Variants in STK32C observed in about 807,000 individuals in gnomAD.
STK32C encodes serine/threonine kinase 32C, also known as serine/threonine-protein kinase 32C.
STK32C carries 31 observed loss-of-function variants against 56.5 expected under a neutral mutation model. That is an observed-to-expected ratio of 0.55 (90% CI 0.41 to 0.74). The LOEUF is 0.74. Ranked by LOEUF, STK32C falls within the 30% of genes least tolerant of loss-of-function variation. STK32C has a pLI of 0.00. For synonymous variants in STK32C, 309 were observed against 289.4 expected (o/e 1.07, Z -0.69); for missense variants, 544 against 676.9 (o/e 0.80, Z 2.18).
exon 2 of STK32C, chr10:132,324,157 G>A: frequency 2.7e-6 from 2 of 730,824 alleles, no homozygotes; most frequent in Non-Finnish European, 5.1e-6. Flanking sequence ...CCAAGAGCTG[G>A]GGATGAGTCT....
chr10:132,240,960 GAC>G (rs1468510530), intron 2 of STK32C, among the ~76,000 whole-genome samples: 3 of 152,208 alleles, frequency 2.0e-5, no homozygotes, highest in Non-Finnish European at 2.9e-5. Context: ...GTGCCCATCA[GAC>G]ACCGTCAAGC....
At chr10:132,330,457 G>T (rs1313515394) in intron 1 of STK32C, 1 of 717,206 alleles carries the variant, frequency 1.4e-6, no homozygotes, top group Non-Finnish European at 2.6e-6. Flanking sequence ...CCACGCTCCT[G>T]AGAAGGTACT....
chr10:132,237,452 G>A (rs990430856), intron 2 of STK32C, among the ~76,000 whole-genome samples: 4 of 152,258 alleles, frequency 2.6e-5, no homozygotes, highest in African/African-American at 4.8e-5. Flanking sequence ...AGGCATAAAG[G>A]TGCAGCCTGG....
intron 1 of STK32C, among the ~76,000 whole-genome samples, chr10:132,266,701 G>A (rs1222059613): frequency 6.6e-6 from 1 of 152,106 alleles, no homozygotes; most frequent in African/African-American, 2.4e-5. Flanking sequence ...AGGAACGCGG[G>A]CGTGGGTGGG....
intron 1 of STK32C, among the ~76,000 whole-genome samples, chr10:132,247,842 C>G (rs936709915): frequency 6.6e-6 from 1 of 152,080 alleles, no homozygotes; most frequent in African/African-American, 2.4e-5. Context: ...GGGGCACTGA[C>G]TGGCACAGGA....
upstream of STK32C, among the ~76,000 whole-genome samples, chr10:132,309,079 G>A (rs757411207): frequency 6.6e-6 from 1 of 152,206 alleles, no homozygotes; most frequent in Admixed American, 6.5e-5. Context: ...ACGATGAGCG[G>A]ATCCCCAACA....
chr10:132,244,573 G>A (rs945770088), intron 2 of STK32C, among the ~76,000 whole-genome samples: 11 of 152,118 alleles, frequency 7.2e-5, no homozygotes, highest in Admixed American at 1.3e-4. Flanking sequence ...AGATGCCCTC[G>A]GCCTGGCCCT....
At chr10:132,236,941 C>A (rs1381550285) in intron 2 of STK32C, among the ~76,000 whole-genome samples, 1 of 152,170 alleles carries the variant, frequency 6.6e-6, no homozygotes, top group Non-Finnish European at 1.5e-5. Flanking sequence ...GCCACGCGCC[C>A]GCCAAGGTCT....
At chr10:132,243,405 C>G (rs188434616) in intron 2 of STK32C, among the ~76,000 whole-genome samples, 1 of 152,032 alleles carries the variant, frequency 6.6e-6, no homozygotes, top group Admixed American at 6.6e-5. Flanking sequence ...GGAGAGTGGG[C>G]TGGACGGAAG....
intron 1 of STK32C, chr10:132,249,110 C>CGTGCCGGGGCGGGGCTGTG (rs2063797523): frequency 2.2e-6 from 1 of 464,300 alleles, no homozygotes; most frequent in Non-Finnish European, 4.3e-6. Flanking sequence ...AAGGCGCATG[C>CGTGCCGGGGCGGGGCTGTG]GTGCCGGGGC....
intron 1 of STK32C, among the ~76,000 whole-genome samples, chr10:132,296,151 T>C (rs1348179460): frequency 6.6e-6 from 1 of 150,446 alleles, no homozygotes; most frequent in Non-Finnish European, 1.5e-5. Context: ...AGGCCCATAA[T>C]CCTGAGAGAA....
intron 3 of STK32C, 95 bp from the exon 4 acceptor site, chr10:132,227,063 C>T (rs999487568): frequency 1.4e-6 from 2 of 1,399,338 alleles, no homozygotes; most frequent in Non-Finnish European, 2.0e-6. Context: ...GGACCACAGC[C>T]CCACCCCAGC....
chr10:132,255,851 T>G lies in STK32C; in HGVS notation c.263-9896A>C, dbSNP rs2064101485. On this transcript the variant is annotated intron_variant, in intron 1 of 11. Coordinates refer to ENST00000298630, the MANE Select transcript of STK32C (RefSeq NM_173575.4). The surrounding 1 kb of genome is among the most constrained non-coding windows in gnomAD (Gnocchi z 4.6). ...GCATTACGTGCGCTGCCCACGCATC[T>G]CCGAGGGCCCAGCTGGCCACCTTCT... 6.6e-6 allele frequency among the ~76,000 whole-genome samples: 1 copy of G among 152,138 alleles called. No individual in the cohort carries two copies. Among genetic ancestry groups the G allele is most frequent in the Admixed American group, 6.5e-5 (1 of 15,284 alleles).
intron 10 of STK32C, among the ~76,000 whole-genome samples, chr10:132,217,499 T>C (rs2062508675): frequency 6.6e-6 from 1 of 152,154 alleles, no homozygotes; most frequent in Non-Finnish European, 1.5e-5. Flanking sequence ...GGGGGACTGT[T>C]GGGAAGGCAT....
intron 10 of STK32C, among the ~76,000 whole-genome samples, chr10:132,212,976 C>T (rs1033537317): frequency 1.3e-5 from 2 of 152,342 alleles, no homozygotes; most frequent in Admixed American, 1.3e-4. Flanking sequence ...TGGGGAGCGG[C>T]CGGGGCCGTG....
At chr10:132,302,611 T>C (rs1480192137) in intron 1 of STK32C, among the ~76,000 whole-genome samples, 3 of 152,166 alleles carry the variant, frequency 2.0e-5, no homozygotes, top group Non-Finnish European at 4.4e-5. Flanking sequence ...GCCTGCACTG[T>C]GGGGGATGGG....
At chr10:132,222,016 C>A (rs1170946407) in intron 10 of STK32C, among the ~76,000 whole-genome samples, 1 of 148,762 alleles carries the variant, frequency 6.7e-6, no homozygotes, top group African/African-American at 2.5e-5. Flanking sequence ...CATCAACGCA[C>A]CTGGGTGAGT....
intron 1 of STK32C, among the ~76,000 whole-genome samples, chr10:132,279,054 G>A (rs1648741005): frequency 6.6e-6 from 1 of 152,134 alleles, no homozygotes; most frequent in Non-Finnish European, 1.5e-5. Flanking sequence ...CAGGGGGCGG[G>A]GGACGGGGCA....
chr10:132,274,636 C>T (rs940244666), intron 1 of STK32C, among the ~76,000 whole-genome samples: 3 of 152,222 alleles, frequency 2.0e-5, no homozygotes, highest in East Asian at 3.8e-4. Flanking sequence ...CCACGGACGC[C>T]GGATCCTCAG....
Sources: allele counts gnomAD v4.1 joint callset (sites outside exome capture counted in the v4.1 genomes callset), GRCh38; gene constraint gnomAD v4.1.1; non-coding constraint Gnocchi (gnomAD v3.1); transcripts MANE v1.5; gene names NCBI Gene and HGNC (gene_info 2026-07-23, HGNC 2026-07-21).